ZNF385D: variants seen among roughly 807,000 people sequenced by gnomAD.
ZNF385D encodes the protein zinc finger protein 385D, also known as zinc finger protein 659.
ZNF385D carries 15 observed loss-of-function variants against 35.8 expected under a neutral mutation model. The observed-to-expected ratio is 0.42, with a 90% CI of 0.28 to 0.64. The LOEUF (loss-of-function observed/expected upper bound fraction) is 0.64, where lower values mean the gene tolerates loss of function less well. ZNF385D is among the 30% of genes least tolerant of loss of function. The probability of loss-of-function intolerance (pLI) is 0.23; values close to 1 mark genes in which losing one functional copy is unlikely to be tolerated. For synonymous variants in ZNF385D, 212 were observed against 186.8 expected (o/e 1.13, Z -1.10); for missense variants, 474 against 494.6 (o/e 0.96, Z 0.39).
At chr3:21,705,632 C>A (rs560187340) in intron 1 of ZNF385D, among the ~76,000 whole-genome samples, 28 of 152,130 alleles carry the variant, frequency 1.8e-4, no homozygotes, top group Admixed American at 1.0e-3. Context: ...TCATTTTACA[C>A]CTGGGGAAAT....
intron 2 of ZNF385D, among the ~76,000 whole-genome samples, chr3:21,567,981 A>G (rs144090217): frequency 6.6e-6 from 1 of 152,278 alleles, no homozygotes; most frequent in East Asian, 1.9e-4. Flanking sequence ...TGTTCTGATC[A>G]CTGTGGCTAT....
chr3:22,038,298 T>G (rs1194886947), intron 3 of ZNF385D, among the ~76,000 whole-genome samples: 3 of 152,174 alleles, frequency 2.0e-5, no homozygotes, highest in Non-Finnish European at 2.9e-5. Context: ...AAACTATAAA[T>G]TGGGACTACT....
intron 2 of ZNF385D, among the ~76,000 whole-genome samples, chr3:21,645,076 G>C (rs956678456): frequency 3.3e-5 from 5 of 152,188 alleles, no homozygotes; most frequent in South Asian, 2.1e-4. Context: ...GACCTTGAAG[G>C]CTTCTAAATC....
At chr3:22,035,786 A>G (rs1372096729) in intron 3 of ZNF385D, among the ~76,000 whole-genome samples, 2 of 152,132 alleles carry the variant, frequency 1.3e-5, no homozygotes, top group African/African-American at 4.8e-5. Context: ...TAGACTCCAA[A>G]ATTATGACCA....
At chr3:22,118,269 G>C (rs1702909154) in intron 3 of ZNF385D, among the ~76,000 whole-genome samples, 1 of 152,068 alleles carries the variant, frequency 6.6e-6, no homozygotes, top group Non-Finnish European at 1.5e-5. Context: ...GACTGCCATA[G>C]AGAAAATAAC....
intron 2 of ZNF385D, among the ~76,000 whole-genome samples, chr3:22,191,614 C>T (rs1021383879): frequency 1.3e-5 from 2 of 151,756 alleles, no homozygotes; most frequent in Non-Finnish European, 2.9e-5. Flanking sequence ...ACATTCTGTT[C>T]TTACTAAAGA....
chr3:21,492,234 A>G (rs1705474873), intron 4 of ZNF385D, among the ~76,000 whole-genome samples: 1 of 152,150 alleles, frequency 6.6e-6, no homozygotes, highest in South Asian at 2.1e-4. Context: ...AAGGTTTTTA[A>G]GTAATGACAA....
rs757804124 is a variant in ZNF385D at position 21,866,569 on chromosome 3, G to A, written c.326-201541C>T. ...GGAGCAAGGGCTCATTAAAGGTTTC[G>A]GGACCTCAGTTTCTGATTCAGTAGG... On this transcript the variant is annotated intron_variant, in intron 3 of 5. Transcript: ENST00000494108. 3.9e-5 allele frequency among the ~76,000 whole-genome samples: 6 copies of A among 152,070 alleles called. No homozygotes were observed. The South Asian group carries it at 8.3e-4, about 21-fold the overall frequency.
At position 21,454,756 on chromosome 3, in the gene ZNF385D, A is replaced by C. The variant is rs572875653; in HGVS notation, c.440-17553T>G. Among the ~76,000 whole-genome samples the C allele has an allele frequency of 2.9e-3, 449 of 152,304 alleles. 12 individuals are homozygous for C. The highest frequency in any genetic ancestry group is 3.6e-3 in the Non-Finnish European group (245 of 68,026). ...CTGGCCAGGGAAGTCAGGCAGGAGA[A>C]AGAAATAAAGGGTATTCAATTATGA... On this transcript the variant is annotated intron_variant, in intron 4 of 7. Coordinates refer to ENST00000281523, the MANE Select transcript of ZNF385D (RefSeq NM_024697.3).
At chr3:21,701,065 A>G (rs1038356465) in intron 1 of ZNF385D, among the ~76,000 whole-genome samples, 1 of 152,182 alleles carries the variant, frequency 6.6e-6, no homozygotes, top group Non-Finnish European at 1.5e-5. Context: ...TGAAGGCAGA[A>G]TGAGTATAAG....
chr3:21,523,027 T>C (rs988258341), intron 3 of ZNF385D, among the ~76,000 whole-genome samples: 1 of 152,150 alleles, frequency 6.6e-6, no homozygotes, highest in Non-Finnish European at 1.5e-5. Flanking sequence ...ATAAATGTAT[T>C]AAGGAGATGC....
At chr3:21,668,917 T>C (rs1462694247) in intron 1 of ZNF385D, among the ~76,000 whole-genome samples, 3 of 152,218 alleles carry the variant, frequency 2.0e-5, no homozygotes, top group African/African-American at 7.2e-5. Context: ...TTGATAACTA[T>C]AAACATGAAA....
chr3:21,586,723 T>C (rs898300158), intron 2 of ZNF385D, among the ~76,000 whole-genome samples: 10 of 150,044 alleles, frequency 6.7e-5, no homozygotes, highest in Admixed American at 5.3e-4. Flanking sequence ...CTGCAGAGTT[T>C]TGTTCAAGGA....
intron 2 of ZNF385D, among the ~76,000 whole-genome samples, chr3:22,205,597 C>A (rs1697095270): frequency 6.6e-6 from 1 of 151,758 alleles, no homozygotes; most frequent in Non-Finnish European, 1.5e-5. Flanking sequence ...AGTTAAAAAG[C>A]AGGGGAATGA....
In ZNF385D at chr3:21,419,261, T is replaced by C. The variant is rs1442685287; in HGVS notation, c.*1953A>G. The C allele has an allele frequency of 6.5e-6, 1 of 152,768 alleles. No homozygotes were observed. The highest frequency in any genetic ancestry group is 1.5e-5 in the Non-Finnish European group (1 of 68,274). The allele number at this position is 152,768 out of a possible 1,614,324, so 9.5% of individuals were successfully genotyped here. On this transcript the variant is annotated 3_prime_UTR_variant, in exon 8 of 8. Coordinates refer to ENST00000281523, the MANE Select transcript of ZNF385D (RefSeq NM_024697.3). The stretch of plus-strand genomic sequence containing the variant: ...TCCTTCTTTTTTTTTGTTTTTGTTT[T>C]GGTTGGTTAACAAAGGATATATAAA...
intron 2 of ZNF385D, among the ~76,000 whole-genome samples, chr3:21,613,854 A>G (rs543527083): frequency 1.3e-5 from 2 of 152,310 alleles, no homozygotes; most frequent in Admixed American, 6.5e-5. Context: ...CACATATTAT[A>G]AGGTTGTTTT....
At chr3:22,146,928 T>G (rs17010891) in intron 3 of ZNF385D, among the ~76,000 whole-genome samples, 6,120 of 152,194 alleles carry the variant, frequency 0.04, 423 homozygotes, top group African/African-American at 0.14. Context: ...CATGAGACTA[T>G]TTTGTTGTTC....
intron 2 of ZNF385D, among the ~76,000 whole-genome samples, chr3:22,274,481 G>A (rs1701327356): frequency 6.6e-6 from 1 of 151,918 alleles, no homozygotes; most frequent in Non-Finnish European, 1.5e-5. Context: ...CTCTGAGGAA[G>A]CATGGATAAT....
At chr3:21,664,003 C>T (rs902079084) in intron 2 of ZNF385D, among the ~76,000 whole-genome samples, 2 of 147,924 alleles carry the variant, frequency 1.4e-5, no homozygotes, top group African/African-American at 5.0e-5. Flanking sequence ...AGTGACCTCT[C>T]ATGTTAATCC....
Sources: allele counts gnomAD v4.1 joint callset (sites outside exome capture counted in the v4.1 genomes callset), GRCh38; gene constraint gnomAD v4.1.1; transcripts MANE v1.5; gene names NCBI Gene and HGNC (gene_info 2026-07-23, HGNC 2026-07-21).